Variants in ARFIP1 observed in about 807,000 individuals in gnomAD.
The protein encoded by ARFIP1 is arfaptin-1.
ARFIP1 carries 24 observed loss-of-function variants against 42.5 expected under a neutral mutation model. The observed-to-expected ratio is 0.57, with a 90% CI of 0.41 to 0.80. The LOEUF (loss-of-function observed/expected upper bound fraction) is 0.80, where lower values mean the gene tolerates loss of function less well. Ranked by LOEUF, ARFIP1 falls within the 30% of genes least tolerant of loss-of-function variation. The pLI is 0.00. For missense variants in ARFIP1, 354 were observed against 434.0 expected (o/e 0.82, Z 1.64); for synonymous variants, 141 against 153.7 (o/e 0.92, Z 0.61).
chr4:152,817,944 A>G (rs1399207064), intron 1 of ARFIP1, among the ~76,000 whole-genome samples: 2 of 152,250 alleles, frequency 1.3e-5, no homozygotes, highest in Non-Finnish European at 2.9e-5. Context: ...CTATTAGAAA[A>G]AAACAGTAAA....
chr4:152,864,217 G>T (rs762549732), intron 3 of ARFIP1, among the ~76,000 whole-genome samples: 19 of 152,040 alleles, frequency 1.2e-4, no homozygotes, highest in Non-Finnish European at 2.2e-4. Context: ...CTAAACTGTA[G>T]CTGTTGAATA....
At chr4:152,826,882 A>C (rs1446800627) in intron 1 of ARFIP1, among the ~76,000 whole-genome samples, 1 of 152,242 alleles carries the variant, frequency 6.6e-6, no homozygotes, top group Non-Finnish European at 1.5e-5. Context: ...ACATGCTACC[A>C]CATGGATAAA....
intron 2 of ARFIP1, among the ~76,000 whole-genome samples, chr4:152,862,045 G>A (rs1733936258): frequency 6.6e-6 from 1 of 152,138 alleles, no homozygotes; most frequent in Non-Finnish European, 1.5e-5. Context: ...ACCAAATCAA[G>A]TAAACCCGTT....
intron 8 of ARFIP1, among the ~76,000 whole-genome samples, chr4:152,901,146 G>A (rs1347392892): frequency 6.6e-6 from 1 of 152,154 alleles, no homozygotes; most frequent in Non-Finnish European, 1.5e-5. Flanking sequence ...TGAATAGGAA[G>A]GTCATATAAT....
At chr4:152,781,234 CTTTTTTTTTTTTTT>C (rs535397594) in intron 1 of ARFIP1, among the ~76,000 whole-genome samples, 1 of 118,920 alleles carries the variant, frequency 8.4e-6, no homozygotes, top group Non-Finnish European at 1.7e-5. Context: ...TTTCTTTTTT[CTTTTTTTTTTTTTT>C]TTTTTGAGAC....
chr4:152,789,696 A>T (rs546649875), intron 1 of ARFIP1, among the ~76,000 whole-genome samples: 2 of 152,234 alleles, frequency 1.3e-5, no homozygotes, highest in South Asian at 4.2e-4. Context: ...TTTATTTTAT[A>T]CTTAAGGGTA....
At position 152,810,263 on chromosome 4, in the gene ARFIP1, T is replaced by G. The variant is rs114996581; in HGVS notation, c.-9-19362T>G. The G allele has an allele frequency of 2.0e-5, 3 of 152,224 alleles. 1 individual carries two copies. The highest frequency in any genetic ancestry group is 7.2e-5 in the African/African-American group (3 of 41,466). 9.4% of individuals were successfully genotyped at this position (152,224 alleles called of 1,614,324 possible). A position where few individuals can be genotyped will look rare whatever the true frequency, so the allele number is the denominator to read the frequency against. On this transcript the variant is annotated intron_variant, in intron 1 of 8. Transcript: ENST00000353617. ...GTGGCTAAAGCTGGCTTGTACTGCCTGCAAAAGCTGATTGGTAAATTTTCA... is the reference window on the plus strand; with the variant it reads ...GTGGCTAAAGCTGGCTTGTACTGCCGGCAAAAGCTGATTGGTAAATTTTCA...
At chr4:152,843,984 C>T (rs766744577) in intron 2 of ARFIP1, among the ~76,000 whole-genome samples, 3 of 152,176 alleles carry the variant, frequency 2.0e-5, no homozygotes, top group Non-Finnish European at 4.4e-5. Context: ...AGATTTCCTT[C>T]TCACTGTGGA....
intron 1 of ARFIP1, among the ~76,000 whole-genome samples, chr4:152,818,508 C>T (rs551304528): frequency 3.3e-5 from 5 of 152,310 alleles, no homozygotes; most frequent in African/African-American, 9.6e-5. Context: ...CTCATGTCAG[C>T]TAACTCAGGC....
At chr4:152,807,165 A>G (rs993919947) in intron 1 of ARFIP1, 2 of 145,560 alleles carry the variant, frequency 1.4e-5, no homozygotes, top group Non-Finnish European at 3.0e-5. Flanking sequence ...CAATTTGTTT[A>G]TTCATTAACC....
intron 1 of ARFIP1, among the ~76,000 whole-genome samples, chr4:152,797,340 C>A (rs937371727): frequency 6.6e-6 from 1 of 152,146 alleles, no homozygotes; most frequent in Non-Finnish European, 1.5e-5. Context: ...ATGTGCTAGT[C>A]CCACACTGCT....
rs1229433997 is a variant in ARFIP1 at position 152,837,066 on chromosome 4, A to G, written c.93+7340A>G. 2.0e-5 allele frequency among the ~76,000 whole-genome samples: 3 copies of G among 152,150 alleles called. No homozygotes were observed. The East Asian group carries it at 5.8e-4, about 29-fold the overall frequency. On this transcript the variant is annotated intron_variant, in intron 2 of 8. Coordinates refer to ENST00000353617, the MANE Select transcript of ARFIP1 (RefSeq NM_001025595.3). ...ATTCCTGAGTTACGTCATTTAGAATAGTAGTCTCCAATCTCATCCAGGTCA... is the reference window on the plus strand; with the variant it reads ...ATTCCTGAGTTACGTCATTTAGAATGGTAGTCTCCAATCTCATCCAGGTCA...
At chr4:152,860,325 A>AT (rs1561148717) in intron 2 of ARFIP1, among the ~76,000 whole-genome samples, 1 of 152,198 alleles carries the variant, frequency 6.6e-6, no homozygotes, top group Non-Finnish European at 1.5e-5. Flanking sequence ...CAGAGCCCAC[A>AT]TTGCATCCAT....
chr4:152,838,785 T>G (rs964790221), intron 2 of ARFIP1, among the ~76,000 whole-genome samples: 2 of 152,204 alleles, frequency 1.3e-5, no homozygotes, highest in African/African-American at 4.8e-5. Context: ...TTCTCTTGTC[T>G]GATTGCTCTG....
At chr4:152,900,710 T>A (rs1207208074) in intron 8 of ARFIP1, among the ~76,000 whole-genome samples, 3 of 152,208 alleles carry the variant, frequency 2.0e-5, no homozygotes, top group African/African-American at 7.2e-5. Flanking sequence ...GATCTCTTTC[T>A]GGGAAAAGTT....
At chr4:152,813,203 T>C (rs1729604290) in intron 1 of ARFIP1, among the ~76,000 whole-genome samples, 1 of 151,494 alleles carries the variant, frequency 6.6e-6, no homozygotes, top group Non-Finnish European at 1.5e-5. Context: ...CTAGTGATGA[T>C]TTAAAGTGTA....
chr4:152,820,717 C>T (rs571146982), intron 1 of ARFIP1, among the ~76,000 whole-genome samples: 2 of 152,330 alleles, frequency 1.3e-5, no homozygotes, highest in East Asian at 1.9e-4. Context: ...GATCCAATCA[C>T]CTCCCACCAG....
chr4:152,901,283 C>A (rs1010302764), intron 8 of ARFIP1, among the ~76,000 whole-genome samples: 5 of 152,046 alleles, frequency 3.3e-5, no homozygotes, highest in Admixed American at 2.0e-4. Flanking sequence ...TATTTATGTT[C>A]TATTGATACA....
At chr4:152,820,567 G>A (rs1164454728) in intron 1 of ARFIP1, among the ~76,000 whole-genome samples, 1 of 152,198 alleles carries the variant, frequency 6.6e-6, no homozygotes, top group Non-Finnish European at 1.5e-5. Flanking sequence ...CGTAGTGGAA[G>A]GTGAAGGGGA....
Sources: allele counts gnomAD v4.1 joint callset (sites outside exome capture counted in the v4.1 genomes callset), GRCh38; gene constraint gnomAD v4.1.1; transcripts MANE v1.5; gene names NCBI Gene and HGNC (gene_info 2026-07-23, HGNC 2026-07-21).